Variants in CDC27 observed in about 807,000 individuals in gnomAD.
CDC27 encodes the protein cell division cycle 27.
A neutral mutation model predicts 109.7 loss-of-function variants in CDC27; 27 were observed. The ratio of observed to expected loss-of-function variants is 0.25; its 90% CI spans 0.18 to 0.34. The LOEUF is 0.34. Ranked by LOEUF, CDC27 falls within the 10% of genes least tolerant of loss-of-function variation. The probability of loss-of-function intolerance (pLI) is 1.00; values close to 1 mark genes in which losing one functional copy is unlikely to be tolerated. For missense variants in CDC27, 579 were observed against 960.2 expected (o/e 0.60, Z 5.25); for synonymous variants, 266 against 333.9 (o/e 0.80, Z 2.22).
chr17:47,130,116 C>G (rs561376334), intron 15 of CDC27, among the ~76,000 whole-genome samples: 1 of 152,158 alleles, frequency 6.6e-6, no homozygotes, highest in Non-Finnish European at 1.5e-5. Flanking sequence ...AATCTGAGCA[C>G]GTTGGGAGGC....
chr17:47,141,937 G>T lies in CDC27; in HGVS notation c.1467C>A (p.Ser489Arg). The T allele has an allele frequency of 1.2e-6, 2 of 1,606,468 alleles. No individual in the cohort carries two copies. The highest frequency in any genetic ancestry group is 1.7e-6 in the Non-Finnish European group (2 of 1,175,194). Reference sequence around the variant, plus strand: ...TATTGTAGTGGTGAGAAGGTAGATGGCTCAAAATATTTATAGCTTCTTTGC... The same window carrying T: ...TATTGTAGTGGTGAGAAGGTAGATGTCTCAAAATATTTATAGCTTCTTTGC... The part of the protein sequence containing the change: ...YNCKEAINIL[S>R]HLPSHHYNTG... The change falls in exon 12 of 19, where the codon AGC becomes AGA. Residue 489 changes from serine to arginine, a missense_variant. This residue lies in a region of CDC27 where 58 missense variants were observed against 116.6 expected (regional missense o/e 0.50). Coordinates refer to ENST00000066544, the MANE Select transcript of CDC27 (RefSeq NM_001256.6).
intron 2 of CDC27, among the ~76,000 whole-genome samples, chr17:47,180,750 T>C (rs1335199137): frequency 1.3e-5 from 2 of 152,072 alleles, no homozygotes; most frequent in Non-Finnish European, 2.9e-5. Context: ...CTAAGGGCTT[T>C]AAATAAACCA....
chr17:47,149,686 A>G (rs112358095), intron 9 of CDC27, among the ~76,000 whole-genome samples: 35 of 151,530 alleles, frequency 2.3e-4, no homozygotes, highest in African/African-American at 8.0e-4. Flanking sequence ...TGGGCATGGT[A>G]GCTCATGCCT....
At chr17:47,184,556 G>A (rs1290981153) in intron 1 of CDC27, among the ~76,000 whole-genome samples, 1 of 151,982 alleles carries the variant, frequency 6.6e-6, no homozygotes, top group Non-Finnish European at 1.5e-5. Flanking sequence ...AAGGGCGGGG[G>A]GAAAAAAGAA....
chr17:47,125,917 GAT>G (rs776257806), intron 16 of CDC27, among the ~76,000 whole-genome samples: 2 of 152,120 alleles, frequency 1.3e-5, no homozygotes, highest in Admixed American at 6.6e-5. Flanking sequence ...ATTCAGAATT[GAT>G]ATGTTTTCTT....
At chr17:47,122,777 G>A (rs189837608) in intron 17 of CDC27, among the ~76,000 whole-genome samples, 177 bp from the exon 18 acceptor site, 11 of 152,216 alleles carry the variant, frequency 7.2e-5, no homozygotes, top group African/African-American at 2.4e-4. Flanking sequence ...AGGTTCAAGC[G>A]ATTCTCCTGC....
rs1200307425 is a variant in CDC27 at position 47,137,789 on chromosome 17, G to A, written c.1705-429C>T. 2.0e-5 allele frequency among the ~76,000 whole-genome samples: 3 copies of A among 148,442 alleles called. No homozygotes were observed. In the South Asian group the frequency reaches 6.3e-4, roughly 31 times the overall value. On this transcript the variant is annotated intron_variant, in intron 13 of 18. Coordinates refer to ENST00000066544, the MANE Select transcript of CDC27 (RefSeq NM_001256.6). Reference sequence around the variant, plus strand: ...GGATGGCTTCAGGCAAGTCACCTCTGAACCTCATTCTCTCTCTTTTTTTTT... The same window carrying A: ...GGATGGCTTCAGGCAAGTCACCTCTAAACCTCATTCTCTCTCTTTTTTTTT...
chr17:47,159,173 T>A, intron 4 of CDC27: 1 of 397,626 alleles, frequency 2.5e-6, no homozygotes, highest in Admixed American at 4.0e-5. Flanking sequence ...TTCACTTTAT[T>A]TTTCTTGTGT....
Position 47,137,377 on chromosome 17 carries a change from CA to C in CDC27, c.1705-18del. On this transcript the variant is annotated intron_variant, in intron 13 of 18. Coordinates refer to ENST00000066544, the MANE Select transcript of CDC27 (RefSeq NM_001256.6). ...ACACCAGGCCTTAAAAAAATGGGAA[CA>C]AAAACCAAACAGAATTAAAATTTTA... is the stretch of plus-strand genomic sequence containing the variant. 1 of 1,491,122 alleles carries C rather than the reference CA, an allele frequency of 6.7e-7. No homozygotes were observed. 92.4% of individuals were successfully genotyped at this position (1,491,122 alleles called of 1,614,324 possible).
chr17:47,156,104 T>C (rs529470312), intron 7 of CDC27, among the ~76,000 whole-genome samples: 10 of 152,308 alleles, frequency 6.6e-5, no homozygotes, highest in Non-Finnish European at 1.5e-4. Context: ...ATGTGTTTAC[T>C]ACCTAATTAA....
chr17:47,143,273 T>C (rs1289319334), intron 10 of CDC27, among the ~76,000 whole-genome samples: 1 of 152,038 alleles, frequency 6.6e-6, no homozygotes, highest in Non-Finnish European at 1.5e-5. Flanking sequence ...GGGTCTCCAG[T>C]TTTTTTTAAC....
At chr17:47,133,108 T>TAC (rs1418200748) in intron 14 of CDC27, among the ~76,000 whole-genome samples, 1 of 310 alleles carries the variant, frequency 3.2e-3, no homozygotes, top group Non-Finnish European at 8.1e-3. Flanking sequence ...CAAATATACA[T>TAC]ATATATATAT....
chr17:47,156,279 C>T (rs2063302698), intron 7 of CDC27, among the ~76,000 whole-genome samples: 1 of 151,796 alleles, frequency 6.6e-6, no homozygotes, highest in Non-Finnish European at 1.5e-5. Flanking sequence ...GCTGGATCTA[C>T]AGGCGCGTGC....
At chr17:47,161,105 G>C (rs2063484962) in intron 4 of CDC27, 1 of 149,560 alleles carries the variant, frequency 6.7e-6, no homozygotes, top group African/African-American at 2.5e-5. Context: ...ATGTTGCCCA[G>C]GCTGGACTCC....
chr17:47,168,710 C>T (rs193157511), intron 4 of CDC27, among the ~76,000 whole-genome samples: 48 of 152,204 alleles, frequency 3.2e-4, no homozygotes, highest in Admixed American at 2.3e-3. Context: ...TACTCATGTT[C>T]GCAAGAGTGG....
Position 47,137,355 on chromosome 17 carries a change from C to A in CDC27, c.1710G>T (p.Trp570Cys). 6.4e-7 allele frequency: 1 copy of A among 1,550,890 alleles called. No homozygotes were observed. The highest frequency in any genetic ancestry group is 8.7e-7 in the Non-Finnish European group (1 of 1,152,710). Reference protein sequence around the residue: ...TDMDKNSPEAWCAAGNCFSLQ... With the variant: ...TDMDKNSPEACCAAGNCFSLQ... ...GACTGAAACAGTTCCCTGCAGCACA[C>A]CAGGCCTTAAAAAAATGGGAACAAA... Residue 570 changes from tryptophan to cysteine, a missense_variant, in exon 14 of 19, where the codon TGG becomes TGT. Physicochemically the swap from Trp to Cys is radical, Grantham distance 215. Coordinates refer to ENST00000066544, the MANE Select transcript of CDC27 (RefSeq NM_001256.6).
At chr17:47,137,977 T>C (rs926165062) in intron 13 of CDC27, among the ~76,000 whole-genome samples, 1 of 152,008 alleles carries the variant, frequency 6.6e-6, no homozygotes, top group Non-Finnish European at 1.5e-5. Flanking sequence ...ATTTTTGTAT[T>C]TTTTGTGGAG....
chr17:47,157,418 G>A (rs2148919127), intron 5 of CDC27, 34 bp from the exon 6 acceptor site: 2 of 1,513,344 alleles, frequency 1.3e-6, no homozygotes, highest in Non-Finnish European at 1.8e-6. Context: ...GTTTGTCTCT[G>A]AGGAAGTGAG....
chr17:47,184,007 T>C lies in CDC27; in HGVS notation c.28-2370A>G, dbSNP rs1419441702. ...CAAATAATTACCACCAAATTACTCC[T>C]TTATGAAATCTGGGATTTCCTAAGA... On this transcript the variant is annotated intron_variant, in intron 1 of 18. Transcript: ENST00000066544. Among the ~76,000 whole-genome samples, 4 of 152,236 alleles carry C rather than the reference T, an allele frequency of 2.6e-5. No individual in the cohort carries two copies. The East Asian group carries it at 7.7e-4, about 29-fold the overall frequency.
Sources: allele counts gnomAD v4.1 joint callset (sites outside exome capture counted in the v4.1 genomes callset), GRCh38; gene constraint gnomAD v4.1.1; regional missense constraint gnomAD v4.1.1; transcripts MANE v1.5; gene names NCBI Gene and HGNC (gene_info 2026-07-23, HGNC 2026-07-21).